The following SPAG6 variants were observed in gnomAD, a reference collection of about 807,000 sequenced individuals.
SPAG6 encodes sperm-associated antigen 6.
A neutral mutation model predicts 58.5 loss-of-function variants in SPAG6; 49 were observed. The ratio of observed to expected loss-of-function variants is 0.84; its 90% confidence interval spans 0.67 to 1.06. The LOEUF is 1.06. Ranked by LOEUF, SPAG6 falls within the 50% of genes least tolerant of loss-of-function variation. SPAG6 has a pLI of 0.00. For synonymous variants in SPAG6, 233 were observed against 225.6 expected (o/e 1.03, Z -0.29); for missense variants, 560 against 611.3 (o/e 0.92, Z 0.89).
chr10:22,391,911 C>T lies in SPAG6; in HGVS notation c.1188C>T (p.Leu396=). Residue 396 remains leucine, a synonymous_variant, in exon 8 of 11, where the codon CTC becomes CTT. Coordinates refer to ENST00000376624, the MANE Select transcript of SPAG6 (RefSeq NM_012443.4). ...TGTCAACAGAAAGTTCTGAGGATCT[C>T]CAAGTAAAAGTAAGTGCTTAATTCT... ...LYMSTESSED[L]QVKSKKAIKN... 3 of 1,610,580 alleles carry T rather than the reference C, an allele frequency of 1.9e-6. No individual in the cohort carries two copies. Among genetic ancestry groups the T allele is most frequent in the Non-Finnish European group, 2.5e-6 (3 of 1,178,140 alleles).
chr10:22,378,703 A>G (rs1833881054), intron 4 of SPAG6, among the ~76,000 whole-genome samples: 1 of 152,034 alleles, frequency 6.6e-6, no homozygotes, highest in African/African-American at 2.4e-5. Flanking sequence ...AATGACTTCA[A>G]ATTTCCTCAG....
Position 22,389,235 on chromosome 10 carries a change from C to CA in SPAG6, c.928_929insA (p.Arg310GlnfsTer16). ...CATTGGGTCCTGCAAAGGGAACACA[C>CA]GGCTGCCTGGCATCATGATGCTTGG... On this transcript the variant is annotated frameshift_variant, in exon 7 of 11. Coordinates refer to ENST00000376624, the MANE Select transcript of SPAG6 (RefSeq NM_012443.4). LOFTEE classifies it high-confidence loss of function. The CA allele has an allele frequency of 1.2e-6, 2 of 1,613,156 alleles. No homozygotes were observed. The highest frequency in any genetic ancestry group is 1.7e-6 in the Non-Finnish European group (2 of 1,179,654).
intron 9 of SPAG6, among the ~76,000 whole-genome samples, chr10:22,409,097 A>G (rs1051178313): frequency 6.6e-6 from 1 of 152,184 alleles, no homozygotes; most frequent in Non-Finnish European, 1.5e-5. Context: ...TTCATGGCTC[A>G]CGCTGGGAGC....
At chr10:22,398,825 A>T (rs944081360) in intron 8 of SPAG6, among the ~76,000 whole-genome samples, 18 of 149,214 alleles carry the variant, frequency 1.2e-4, no homozygotes, top group Admixed American at 9.4e-4. Context: ...AAGTATTATT[A>T]TTTTTTTTTT....
At chr10:22,381,416 C>T (rs549878073) in intron 4 of SPAG6, among the ~76,000 whole-genome samples, 1 of 151,628 alleles carries the variant, frequency 6.6e-6, no homozygotes, top group East Asian at 1.9e-4. Context: ...GCCTATATTC[C>T]TACATAGCAA....
At chr10:22,359,398 A>AT (rs948763199) in intron 2 of SPAG6, 183 of 336,002 alleles carry the variant, frequency 5.4e-4, no homozygotes, top group Non-Finnish European at 6.9e-4. Context: ...TAAATTTATG[A>AT]TTTTTTTTTG....
chr10:22,376,185 C>G (rs1333819683), intron 4 of SPAG6, among the ~76,000 whole-genome samples: 1 of 152,042 alleles, frequency 6.6e-6, no homozygotes, highest in African/African-American at 2.4e-5. Context: ...CAACTGTAAA[C>G]TTTTTGAAAT....
At position 22,401,273 on chromosome 10, in the gene SPAG6, G is replaced by T. The variant is rs780248052; in HGVS notation, c.1310G>T (p.Ser437Ile). 2.3e-5 allele frequency: 34 copies of T among 1,483,194 alleles called. No individual in the cohort carries two copies. Among genetic ancestry groups the T allele is most frequent in the Non-Finnish European group, 2.9e-5 (31 of 1,062,666 alleles). The allele number at this position is 1,483,194 out of a possible 1,614,324, so 91.9% of individuals were successfully genotyped here. A position where few individuals can be genotyped will look rare whatever the true frequency, so the allele number is the denominator to read the frequency against. ...CTGAAACATGTGGTTGGACAGTTCA[G>T]TAAGGTAAGAAATGCCAGCCTCTAA... Reference protein sequence around the residue: ...NILKHVVGQFSKVLPHDSKAR... With the variant: ...NILKHVVGQFIKVLPHDSKAR... The change falls in exon 9 of 11, where the codon AGT (serine) becomes ATT (isoleucine). Residue 437 changes from serine (S) to isoleucine (I), a missense_variant. By Grantham distance (142) the Ser-to-Ile change is moderately radical. Coordinates refer to ENST00000376624, the MANE Select transcript of SPAG6 (RefSeq NM_012443.4).
In SPAG6 at chr10:22,372,800, T is replaced by C. The variant is rs553464696; in HGVS notation, c.472+4122T>C. ...AAAAGTGTTTCTTTGTGGTAAACTT[T>C]GGCTTATCTCAAGCCTGGCAAAGAG... On this transcript the variant is annotated intron_variant, in intron 4 of 10. Transcript: ENST00000376624. 1.8e-4 allele frequency among the ~76,000 whole-genome samples: 28 copies of C among 152,334 alleles called. No homozygotes were observed. In the South Asian group the frequency reaches 4.6e-3, roughly 25 times the overall value.
intron 2 of SPAG6, among the ~76,000 whole-genome samples, chr10:22,360,532 A>G (rs1837004812): frequency 6.6e-6 from 1 of 152,072 alleles, no homozygotes; most frequent in South Asian, 2.1e-4. Context: ...CAAGGAACTC[A>G]AAGCTATAAA....
chr10:22,346,430 GTTCTTCTTCTTCTTCTTCTTC>G (rs71393995), intron 2 of SPAG6, among the ~76,000 whole-genome samples: 28 of 95,998 alleles, frequency 2.9e-4, no homozygotes, highest in African/African-American at 7.8e-4. Context: ...AGAGAAAATG[GTTCTTCTTCTTCTTCTTCTTC>G]TTCTTCTTCT....
intron 10 of SPAG6, among the ~76,000 whole-genome samples, chr10:22,415,277 A>C (rs1453645539): frequency 6.6e-6 from 1 of 150,720 alleles, no homozygotes; most frequent in Non-Finnish European, 1.5e-5. Flanking sequence ...TTACATTAAA[A>C]TATAAAATTT....
chr10:22,360,579 A>G (rs1044204813), intron 2 of SPAG6, among the ~76,000 whole-genome samples: 1 of 152,170 alleles, frequency 6.6e-6, no homozygotes, highest in Non-Finnish European at 1.5e-5. Context: ...TTTATCTTTA[A>G]GTTAAATTTC....
At chr10:22,405,771 C>T (rs979077518) in intron 9 of SPAG6, among the ~76,000 whole-genome samples, 2 of 152,168 alleles carry the variant, frequency 1.3e-5, no homozygotes, top group East Asian at 3.8e-4. Flanking sequence ...TGGTCTTGGA[C>T]TCTTTTTGGT....
At chr10:22,413,930 A>G (rs994326281) in intron 10 of SPAG6, among the ~76,000 whole-genome samples, 3 of 152,142 alleles carry the variant, frequency 2.0e-5, no homozygotes, top group Non-Finnish European at 2.9e-5. Flanking sequence ...TTATCAACTG[A>G]TACATTCATC....
chr10:22,390,190 C>T (rs543518129), intron 7 of SPAG6, among the ~76,000 whole-genome samples: 1 of 152,232 alleles, frequency 6.6e-6, no homozygotes, highest in South Asian at 2.1e-4. Flanking sequence ...TTTTGTTCTT[C>T]TACTACCACA....
rs775124435 is a variant in SPAG6 at position 22,411,071 on chromosome 10, C to T, written c.1355C>T (p.Thr452Ile). The T allele has an allele frequency of 1.2e-6, 2 of 1,613,874 alleles. No individual in the cohort carries two copies. Among genetic ancestry groups the T allele is most frequent in the African/African-American group, 1.3e-5 (1 of 74,918 alleles). ...AGCAAAGCTCGACGACTTTTTGTAA[C>T]AAGTGGTGGCCTTAAAAAAGTTCAA... ...HDSKARRLFVTSGGLKKVQEI... is the reference protein window; with the variant it reads ...HDSKARRLFVISGGLKKVQEI... Residue 452 changes from threonine to isoleucine, a missense_variant, in exon 10 of 11, where the codon ACA becomes ATA. Coordinates refer to ENST00000376624, the MANE Select transcript of SPAG6 (RefSeq NM_012443.4).
intron 2 of SPAG6, among the ~76,000 whole-genome samples, chr10:22,352,746 T>C (rs900679234): frequency 6.6e-6 from 1 of 152,228 alleles, no homozygotes; most frequent in Non-Finnish European, 1.5e-5. Flanking sequence ...TGACCTCAGG[T>C]GATCCACCCG....
intron 9 of SPAG6, among the ~76,000 whole-genome samples, chr10:22,405,121 C>G (rs563162493): frequency 1.3e-5 from 2 of 152,192 alleles, no homozygotes; most frequent in South Asian, 2.1e-4. Flanking sequence ...AACTGAATAC[C>G]CTTTATTTCC....
Sources: allele counts gnomAD v4.1 joint callset (sites outside exome capture counted in the v4.1 genomes callset), GRCh38; gene constraint gnomAD v4.1.1; transcripts MANE v1.5; gene names NCBI Gene and HGNC (gene_info 2026-07-23, HGNC 2026-07-21).